Variants in UBL7 observed in about 807,000 individuals in gnomAD.
UBL7 encodes ubiquitin-like protein 7.
A neutral mutation model predicts 41.7 loss-of-function variants in UBL7; 21 were observed. The ratio of observed to expected loss-of-function variants is 0.50; its 90% CI spans 0.36 to 0.73. The LOEUF is 0.73. UBL7 is among the 30% of genes least tolerant of loss of function. The pLI is 0.00. For synonymous variants in UBL7, 157 were observed against 186.9 expected, an observed-to-expected ratio of 0.84 and a Z score of 1.31; for missense variants, 403 against 478.4, an observed-to-expected ratio of 0.84 and a Z score of 1.47.
chr15:74,458,993 C>T (rs999805059), intron 1 of UBL7, 97 bp from the exon 2 acceptor site: 6 of 1,227,838 alleles, frequency 4.9e-6, no homozygotes, highest in Non-Finnish European at 6.9e-6. Flanking sequence ...TTCAATGTGA[C>T]ACTGTTGAAG....
Position 74,460,528 on chromosome 15 carries a change from TC to T in UBL7, c.-30+508del, listed in dbSNP as rs201569110. The T allele has an allele frequency of 7.2e-3, 3,205 of 442,652 alleles. 93 individuals are homozygous for T. Among genetic ancestry groups the T allele is most frequent in the African/African-American group, 0.06 (2,837 of 47,368 alleles). 27.4% of individuals were successfully genotyped at this position (442,652 alleles called of 1,614,324 possible). A position where few individuals can be genotyped will look rare whatever the true frequency, so the allele number is the denominator to read the frequency against. ...ACCAACACAGATTCAATAACCTCAG[TC>T]CCCTCTCTTTCCTCTGTTGTTCCCA... On this transcript the variant is annotated intron_variant, in intron 1 of 10. Coordinates refer to ENST00000395081, the MANE Select transcript of UBL7 (RefSeq NM_032907.5).
intron 3 of UBL7, 104 bp from the exon 4 acceptor site, chr15:74,452,482 G>A: frequency 8.7e-7 from 1 of 1,143,860 alleles, no homozygotes; most frequent in South Asian, 1.4e-5. Flanking sequence ...CCTGGTCTGT[G>A]CATTCCCTTC....
Position 74,449,236 on chromosome 15 carries a change from G to A in UBL7, c.832C>T (p.Leu278=). The A allele has an allele frequency of 1.2e-6, 2 of 1,606,024 alleles. No homozygotes were observed. Among genetic ancestry groups the A allele is most frequent in the Non-Finnish European group, 1.7e-6 (2 of 1,176,886 alleles). ...TQSELATALA[L]ASTPESSSHT... ...GAGCTGCTCTCCGGAGTGCTGGCCA[G>A]GGCCAAGGCGGTGGCCAGCTCACTC... Residue 278 remains leucine (L), a synonymous_variant, in exon 9 of 11, where the codon CTG becomes TTG. Transcript: ENST00000395081.
rs544890163 is a variant in UBL7 at position 74,448,688 on chromosome 15, C to T, written c.883-88G>A. 18 of 1,538,574 alleles carry T rather than the reference C, an allele frequency of 1.2e-5. No homozygotes were observed. The African/African-American group carries it at 1.9e-4, about 16-fold the overall frequency. On this transcript the variant is annotated intron_variant, in intron 9 of 10. Transcript: ENST00000395081. The stretch of plus-strand genomic sequence containing the variant: ...GCTGTTGTCATATCACCTCACAGCA[C>T]TCCTGAGGTACCCAACTTCTGCCTC...
At chr15:74,448,702 A>C in intron 9 of UBL7, 102 bp from the exon 10 acceptor site, 1 of 1,491,414 alleles carries the variant, frequency 6.7e-7, no homozygotes, top group Non-Finnish European at 9.1e-7. Flanking sequence ...TGAGGTACCC[A>C]ACTTCTGCCT....
At chr15:74,452,969 C>T (rs1372809793) in intron 3 of UBL7, among the ~76,000 whole-genome samples, 1 of 152,192 alleles carries the variant, frequency 6.6e-6, no homozygotes, top group East Asian at 1.9e-4. Flanking sequence ...ACCTCGGCCT[C>T]CCAAAGTGCT....
rs1217765573 is a variant in UBL7 at position 74,448,584 on chromosome 15, G to A, written c.899C>T (p.Thr300Ile). 11 of 1,613,934 alleles carry A rather than the reference G, an allele frequency of 6.8e-6. No individual in the cohort carries two copies. Among genetic ancestry groups the A allele is most frequent in the Non-Finnish European group, 9.3e-6 (11 of 1,179,964 alleles). ...TPGTQGHSSGTSPMSSGVQSG... is the reference protein window; with the variant it reads ...TPGTQGHSSGISPMSSGVQSG... Reference sequence around the variant, plus strand: ...CTGGACACCAGAGGACATTGGTGAGGTCCCTGAGGAATGACCCTAGAGACA... The same window carrying A: ...CTGGACACCAGAGGACATTGGTGAGATCCCTGAGGAATGACCCTAGAGACA... Residue 300 changes from threonine to isoleucine, a missense_variant, in exon 10 of 11, where the codon ACC (threonine) becomes ATC (isoleucine). By Grantham distance (89) the Thr-to-Ile change is moderately conservative. Transcript: ENST00000395081.
intron 1 of UBL7, 76 bp from the exon 2 acceptor site, chr15:74,458,972 A>C: frequency 7.2e-7 from 1 of 1,393,528 alleles, no homozygotes; most frequent in Non-Finnish European, 9.9e-7. Context: ...AAAGGGTTGA[A>C]TGAAAGACAA....
At chr15:74,450,969 G>A (rs1336419521) in intron 5 of UBL7, 110 bp from the exon 6 acceptor site, 1 of 1,120,426 alleles carries the variant, frequency 8.9e-7, no homozygotes, top group African/African-American at 1.5e-5. Context: ...AGGACAACAA[G>A]CCAATCTTCA....
intron 1 of UBL7, 187 bp downstream of exon 1, chr15:74,460,850 C>T (rs1252599513): frequency 5.8e-6 from 7 of 1,204,400 alleles, no homozygotes; most frequent in Non-Finnish European, 7.4e-6. Flanking sequence ...AGGTATCTTC[C>T]ACCTCAAGTT....
Position 74,460,922 on chromosome 15 carries a change from A to C in UBL7, c.-30+115T>G, listed in dbSNP as rs192644723. 2.4e-5 allele frequency: 28 copies of C among 1,155,208 alleles called. 1 individual carries two copies. The Admixed American group carries it at 2.6e-4, about 11-fold the overall frequency. 71.6% of individuals were successfully genotyped at this position (1,155,208 alleles called of 1,614,324 possible). A position where few individuals can be genotyped will look rare whatever the true frequency, so the allele number is the denominator to read the frequency against. On this transcript the variant is annotated intron_variant, in intron 1 of 10. Transcript: ENST00000395081. ...ACTTAATCCTCACAACGGTTCCCTAAGGCAGGCATTAGCCACATTTTAAAG... is the reference window on the plus strand; with the variant it reads ...ACTTAATCCTCACAACGGTTCCCTACGGCAGGCATTAGCCACATTTTAAAG...
intron 7 of UBL7, 100 bp from the exon 8 acceptor site, chr15:74,449,775 T>C (rs905651236): frequency 1.3e-6 from 2 of 1,561,806 alleles, no homozygotes; most frequent in African/African-American, 2.7e-5. Context: ...TATTTTCATC[T>C]CTCCCCTCGG....
chr15:74,452,496 C>A, intron 3 of UBL7, 118 bp from the exon 4 acceptor site: 1 of 983,644 alleles, frequency 1.0e-6, no homozygotes, highest in Admixed American at 2.1e-5. Context: ...TCCCTTCCCT[C>A]ATCACCCCTT....
At chr15:74,451,006 A>G (rs1334981043) in intron 5 of UBL7, 147 bp from the exon 6 acceptor site, 9 of 813,492 alleles carry the variant, frequency 1.1e-5, no homozygotes, top group African/African-American at 8.5e-5. Flanking sequence ...CAAAGCGCCA[A>G]GCAATACAAT....
chr15:74,449,513 A>T, intron 8 of UBL7, 113 bp downstream of exon 8: 1 of 1,570,204 alleles, frequency 6.4e-7, no homozygotes, highest in South Asian at 1.1e-5. Flanking sequence ...TGGCCCCCCA[A>T]TGGCGTATGT....
rs774834899 is a variant in UBL7 at position 74,451,536 on chromosome 15, C to T, written c.388-16G>A. Reference sequence around the variant, plus strand: ...TCTTAAAGACCTGCAGGAGAAATGGCGGGGGCTGAGCACTCCAACCAGCTC... The same window carrying T: ...TCTTAAAGACCTGCAGGAGAAATGGTGGGGGCTGAGCACTCCAACCAGCTC... On this transcript the variant is annotated splice_polypyrimidine_tract_variant and intron_variant, in intron 4 of 10. Transcript: ENST00000395081. 33 of 1,611,356 alleles carry T rather than the reference C, an allele frequency of 2.0e-5. No individual in the cohort carries two copies. The highest frequency in any genetic ancestry group is 6.7e-5 in the East Asian group (3 of 44,856).
At chr15:74,451,415 C>A in intron 5 of UBL7, 21 bp downstream of exon 5, 1 of 1,607,986 alleles carries the variant, frequency 6.2e-7, no homozygotes, top group South Asian at 1.1e-5. Flanking sequence ...CCTATTTCCT[C>A]AAATTCAGTC....
chr15:74,452,665 G>A (rs1012789193), intron 3 of UBL7, among the ~76,000 whole-genome samples: 1 of 152,192 alleles, frequency 6.6e-6, no homozygotes, highest in African/African-American at 2.4e-5. Flanking sequence ...ACGGTGCTCT[G>A]ATCAACATAC....
In UBL7 at chr15:74,458,881, C is replaced by T. The variant is rs766829452; in HGVS notation, c.-14G>A. 1.8e-4 allele frequency: 289 copies of T among 1,607,078 alleles called. 3 individuals carry two copies. The South Asian group carries it at 2.0e-3, about 11-fold the overall frequency. On this transcript the variant is annotated 5_prime_UTR_variant, in exon 2 of 11. Transcript: ENST00000395081. ...TGAGAGAGACATCCTCTCTCTTTCG[C>T]GCTCTCTCTTTCTCCCTGTAAAAGA...
Sources: gnomAD v4.1 joint callset for allele counts (sites outside exome capture counted in the v4.1 genomes callset) on GRCh38, gnomAD v4.1.1 for gene constraint, MANE v1.5 for transcripts, NCBI Gene and HGNC (gene_info 2026-07-23, HGNC 2026-07-21) for gene names.